Variants in CLPTM1 observed in about 807,000 individuals in gnomAD.
CLPTM1 encodes putative lipid scramblase CLPTM1.
CLPTM1 carries 21 observed loss-of-function variants against 77.3 expected under a neutral mutation model. The ratio of observed to expected loss-of-function variants is 0.27; its 90% confidence interval spans 0.19 to 0.39. CLPTM1 has a LOEUF of 0.39. Among genes scored for constraint, CLPTM1 ranks in the 10% least tolerant of loss-of-function variants. The pLI is 1.00. For missense variants in CLPTM1, 642 were observed against 921.2 expected (o/e 0.70, Z 3.92); for synonymous variants, 373 against 381.0 (o/e 0.98, Z 0.24).
upstream of CLPTM1, chr19:44,955,242 C>G (rs1970440304): frequency 6.7e-7 from 1 of 1,496,348 alleles, no homozygotes; most frequent in Admixed American, 2.1e-5. Flanking sequence ...CCTTCCATAG[C>G]CGGAAGTGGC....
chr19:44,957,092 A>C (rs566964322), intron 1 of CLPTM1, among the ~76,000 whole-genome samples: 1 of 152,340 alleles, frequency 6.6e-6, no homozygotes, highest in South Asian at 2.1e-4. Flanking sequence ...TTCCAAGAGC[A>C]GGGGGGCAAA....
chr19:44,962,145 A>G (rs955501428), intron 2 of CLPTM1, 70 bp downstream of exon 2: 2 of 915,956 alleles, frequency 2.2e-6, no homozygotes, highest in Admixed American at 2.7e-5. Context: ...AGGAAAAGTC[A>G]GCTGATCAGC....
chr19:44,972,452 T>C (rs1224925842), intron 2 of CLPTM1, among the ~76,000 whole-genome samples: 1 of 151,930 alleles, frequency 6.6e-6, no homozygotes, highest in Admixed American at 6.6e-5. Flanking sequence ...GGTTTCACCA[T>C]GTTAGCCAGG....
intron 2 of CLPTM1, among the ~76,000 whole-genome samples, chr19:44,962,982 G>A (rs1465356448): frequency 1.3e-5 from 2 of 151,750 alleles, no homozygotes; most frequent in Non-Finnish European, 2.9e-5. Flanking sequence ...CTGAGATCGC[G>A]CTACTGCACT....
chr19:44,990,821 A>G lies in CLPTM1; in HGVS notation c.1324-29A>G, dbSNP rs764209508. ...TTGTGGGGTGGGAGCCAGCGTAGCAACTGACCATGGCACCCACCTCATCCA... is the reference window on the plus strand; with the variant it reads ...TTGTGGGGTGGGAGCCAGCGTAGCAGCTGACCATGGCACCCACCTCATCCA... On this transcript the variant is annotated intron_variant, in intron 10 of 13. Transcript: ENST00000337392. The surrounding 1 kb of genome is among the most constrained non-coding windows in gnomAD (Gnocchi z 4.8). 3 of 1,574,770 alleles carry G rather than the reference A, an allele frequency of 1.9e-6. No homozygotes were observed. In the Admixed American group the frequency reaches 5.0e-5, roughly 26 times the overall value.
chr19:44,974,309 C>A, intron 3 of CLPTM1, 130 bp from the exon 4 acceptor site: 1 of 821,948 alleles, frequency 1.2e-6, no homozygotes, highest in Non-Finnish European at 1.9e-6. Flanking sequence ...GCTGCTCTTC[C>A]TCTCTCCTCT....
At position 44,990,143 on chromosome 19, in the gene CLPTM1, G is replaced by T; in HGVS notation, c.1133-252G>T. On this transcript the variant is annotated intron_variant, in intron 9 of 13. Transcript: ENST00000337392. The surrounding 1 kb of genome is among the most constrained non-coding windows in gnomAD (Gnocchi z 4.8). ...CAGTCACCGTCACCATCAGTCAAGG[G>T]ACTGCACCTTGGGGTGCTGGGTGCT... The T allele has an allele frequency of 1.9e-6, 1 of 534,542 alleles. No homozygotes were observed. Among genetic ancestry groups the T allele is most frequent in the South Asian group, 2.7e-5 (1 of 37,332 alleles). 33.1% of individuals were successfully genotyped at this position (534,542 alleles called of 1,614,324 possible).
At chr19:44,964,341 C>A in intron 2 of CLPTM1, among the ~76,000 whole-genome samples, 1 of 97,814 alleles carries the variant, frequency 1.0e-5, no homozygotes, top group African/African-American at 3.9e-5. Context: ...GACAGCGTCT[C>A]ACTTTGTCAC....
chr19:44,967,851 C>T (rs144219985), intron 2 of CLPTM1, among the ~76,000 whole-genome samples: 130 of 152,280 alleles, frequency 8.5e-4, no homozygotes, highest in African/African-American at 2.7e-3. Flanking sequence ...ATGTGCCCTA[C>T]GCTTCTCAGT....
intron 5 of CLPTM1, among the ~76,000 whole-genome samples, chr19:44,983,761 G>C (rs1189021484): frequency 6.6e-6 from 1 of 151,854 alleles, no homozygotes; most frequent in East Asian, 1.9e-4. Context: ...AGGAGATTGA[G>C]ACAATCCTGG....
intron 1 of CLPTM1, among the ~76,000 whole-genome samples, chr19:44,961,602 G>A (rs889543333): frequency 1.3e-5 from 2 of 152,096 alleles, no homozygotes; most frequent in African/African-American, 4.8e-5. Context: ...CCTTCTCCAG[G>A]AAGTTGCCCC....
chr19:44,991,064 C>A lies in CLPTM1; in HGVS notation c.1419+119C>A. On this transcript the variant is annotated intron_variant, in intron 11 of 13. Transcript: ENST00000337392. The surrounding 1 kb of genome is among the most constrained non-coding windows in gnomAD (Gnocchi z 5.4). ...TGCTTTACAGCCTGTGCCACATCCT[C>A]TGTGTCCCCCATCTGCCATAACTGC... is the stretch of plus-strand genomic sequence containing the variant. 7.8e-7 allele frequency: 1 copy of A among 1,288,106 alleles called. No individual in the cohort carries two copies. Among genetic ancestry groups the A allele is most frequent in the Non-Finnish European group, 1.1e-6 (1 of 916,342 alleles). 79.8% of individuals were successfully genotyped at this position (1,288,106 alleles called of 1,614,324 possible). A position where few individuals can be genotyped will look rare whatever the true frequency, so the allele number is the denominator to read the frequency against.
intron 1 of CLPTM1, among the ~76,000 whole-genome samples, chr19:44,957,540 G>A (rs1036760531): frequency 6.6e-6 from 1 of 152,256 alleles, no homozygotes; most frequent in African/African-American, 2.4e-5. Flanking sequence ...AAGACATGCC[G>A]CAAAACCTAG....
chr19:44,974,639 T>A, intron 4 of CLPTM1, 42 bp downstream of exon 4: 2 of 1,497,684 alleles, frequency 1.3e-6, no homozygotes, highest in Non-Finnish European at 1.8e-6. Context: ...GCTGCTTGAC[T>A]GGCACTGAAG....
At chr19:44,968,098 A>G (rs971121245) in intron 2 of CLPTM1, among the ~76,000 whole-genome samples, 2 of 152,114 alleles carry the variant, frequency 1.3e-5, no homozygotes, top group East Asian at 1.9e-4. Context: ...ACGTCAGTGC[A>G]TAGGGAGCTT....
At chr19:44,955,321 A>G, upstream of CLPTM1, 4 of 1,384,818 alleles carry the variant, frequency 2.9e-6, no homozygotes, top group Non-Finnish European at 3.7e-6. Context: ...GAAAGCGTGA[A>G]ATCTCGCGCG....
chr19:44,973,752 T>G (rs1265825332), intron 3 of CLPTM1, among the ~76,000 whole-genome samples: 4 of 139,110 alleles, frequency 2.9e-5, no homozygotes, highest in Non-Finnish European at 3.0e-5. Context: ...TCTTGTTGGG[T>G]CACAGTGGGT....
intron 1 of CLPTM1, among the ~76,000 whole-genome samples, chr19:44,957,539 C>T (rs943284532): frequency 4.6e-5 from 7 of 152,242 alleles, no homozygotes; most frequent in African/African-American, 1.4e-4. Context: ...GAAGACATGC[C>T]GCAAAACCTA....
At chr19:44,954,896 G>A (rs753864412), upstream of CLPTM1, 7 of 1,331,074 alleles carry the variant, frequency 5.3e-6, no homozygotes, top group African/African-American at 4.4e-5. Flanking sequence ...AGAAGACAAG[G>A]GTGCTGGGCA....
Sources: allele counts gnomAD v4.1 joint callset (sites outside exome capture counted in the v4.1 genomes callset), GRCh38; gene constraint gnomAD v4.1.1; non-coding constraint Gnocchi (gnomAD v3.1); transcripts MANE v1.5; gene names NCBI Gene and HGNC (gene_info 2026-07-23, HGNC 2026-07-21).